Variants in MACROD2 observed in about 807,000 individuals in gnomAD.
The protein encoded by MACROD2 is ADP-ribose glycohydrolase MACROD2.
A neutral mutation model predicts 70.4 loss-of-function variants in MACROD2; 36 were observed. That is an observed-to-expected ratio of 0.51 (90% CI 0.39 to 0.68). The LOEUF (loss-of-function observed/expected upper bound fraction) is 0.68. MACROD2 is among the 30% of genes least tolerant of loss of function. The pLI, the probability that MACROD2 is intolerant of heterozygous loss-of-function variation, is 0.00. For synonymous variants in MACROD2, 172 were observed against 178.8 expected, an observed-to-expected ratio of 0.96 and a Z score of 0.30; for missense variants, 496 against 538.4, an observed-to-expected ratio of 0.92 and a Z score of 0.78.
chr20:14,635,447 G>A (rs1233159359), intron 4 of MACROD2, among the ~76,000 whole-genome samples: 1 of 152,140 alleles, frequency 6.6e-6, no homozygotes, highest in African/African-American at 2.4e-5. Context: ...AGTAAATAAA[G>A]CTCATTGATA....
chr20:15,013,540 T>C (rs2075099043), intron 5 of MACROD2, among the ~76,000 whole-genome samples: 1 of 152,120 alleles, frequency 6.6e-6, no homozygotes, highest in Non-Finnish European at 1.5e-5. Flanking sequence ...ATGCCACCTT[T>C]TTGGCATAAT....
chr20:15,034,535 A>G (rs141060343), intron 5 of MACROD2, among the ~76,000 whole-genome samples: 1 of 152,282 alleles, frequency 6.6e-6, no homozygotes, highest in Non-Finnish European at 1.5e-5. Flanking sequence ...GAGGGGATTT[A>G]TAATAGAAAG....
intron 3 of MACROD2, among the ~76,000 whole-genome samples, chr20:14,151,811 C>CTTTTTTTTTTTTTTTTTT (rs144065987): frequency 1.7e-5 from 1 of 59,190 alleles, no homozygotes; most frequent in Non-Finnish European, 3.0e-5. Context: ...TGTATTGTAT[C>CTTTTTTTTTTTTTTTTTT]TTTTTTTTTT....
intron 6 of MACROD2, among the ~76,000 whole-genome samples, chr20:15,342,808 A>G (rs1056068195): frequency 1.3e-5 from 2 of 152,156 alleles, no homozygotes; most frequent in Non-Finnish European, 2.9e-5. Context: ...ACGGGAATAT[A>G]TGTGACCTTA....
intron 7 of MACROD2, among the ~76,000 whole-genome samples, chr20:15,495,911 A>T (rs1022575309): frequency 2.6e-5 from 4 of 152,236 alleles, no homozygotes; most frequent in Admixed American, 2.6e-4. Context: ...ATACACTAGG[A>T]AAAAAGGAGG....
intron 6 of MACROD2, among the ~76,000 whole-genome samples, chr20:15,267,887 T>G (rs1345412210): frequency 6.6e-6 from 1 of 152,164 alleles, no homozygotes; most frequent in Non-Finnish European, 1.5e-5. Context: ...CAGGAATCTT[T>G]CTCGCTTTGC....
At chr20:15,143,173 G>A (rs1459754706) in intron 5 of MACROD2, among the ~76,000 whole-genome samples, 1 of 152,112 alleles carries the variant, frequency 6.6e-6, no homozygotes, top group African/African-American at 2.4e-5. Flanking sequence ...TCCAGCACCT[G>A]TTGTTTCCTG....
intron 6 of MACROD2, among the ~76,000 whole-genome samples, chr20:15,289,215 G>A (rs1035470396): frequency 2.0e-5 from 3 of 152,058 alleles, no homozygotes; most frequent in Non-Finnish European, 2.9e-5. Context: ...TCCACTGCTT[G>A]GCATTCATTC....
At chr20:15,220,877 T>A (rs1486547991) in intron 5 of MACROD2, among the ~76,000 whole-genome samples, 3 of 152,150 alleles carry the variant, frequency 2.0e-5, no homozygotes, top group Non-Finnish European at 4.4e-5. Context: ...ACATAGTGGG[T>A]TCTCACTAAA....
intron 4 of MACROD2, among the ~76,000 whole-genome samples, chr20:14,653,521 A>ATT (rs34531975): frequency 3.4e-4 from 47 of 137,502 alleles, no homozygotes; most frequent in Admixed American, 1.4e-3. Flanking sequence ...CCCGGCTGCA[A>ATT]TTTTTTTTTT....
intron 6 of MACROD2, among the ~76,000 whole-genome samples, chr20:15,260,277 C>T (rs2077237052): frequency 6.7e-6 from 1 of 148,796 alleles, no homozygotes; most frequent in South Asian, 2.1e-4. Flanking sequence ...CCCTCTTTAT[C>T]CCCCCTCCCC....
chr20:14,438,019 C>T (rs148103134), intron 3 of MACROD2, among the ~76,000 whole-genome samples: 26 of 152,318 alleles, frequency 1.7e-4, no homozygotes, highest in African/African-American at 6.3e-4. Flanking sequence ...CTATAATCCT[C>T]ATGTTGCACA....
intron 11 of MACROD2, among the ~76,000 whole-genome samples, chr20:15,934,686 GTT>G (rs745358288): frequency 6.7e-6 from 1 of 149,668 alleles, no homozygotes; most frequent in African/African-American, 2.4e-5. Context: ...TTTGTTTTTT[GTT>G]TTTTGTTTTG....
intron 4 of MACROD2, among the ~76,000 whole-genome samples, chr20:14,600,343 T>TATATATATATAC (rs1320891260): frequency 1.0e-4 from 13 of 130,200 alleles, no homozygotes; most frequent in African/African-American, 4.1e-4. Flanking sequence ...TATATATATA[T>TATATATATATAC]ACACACACAC....
intron 6 of MACROD2, among the ~76,000 whole-genome samples, chr20:15,352,159 A>G (rs2078234654): frequency 6.6e-6 from 1 of 152,214 alleles, no homozygotes; most frequent in African/African-American, 2.4e-5. Context: ...AGGGAGAAAC[A>G]GAACCAGAAG....
intron 5 of MACROD2, among the ~76,000 whole-genome samples, chr20:15,215,870 T>C (rs2076805894): frequency 6.6e-6 from 1 of 152,088 alleles, no homozygotes; most frequent in African/African-American, 2.4e-5. Flanking sequence ...AGACTTACTG[T>C]ACCAGAAGAA....
chr20:14,803,271 A>G (rs2122147399), intron 5 of MACROD2, among the ~76,000 whole-genome samples: 1 of 152,200 alleles, frequency 6.6e-6, no homozygotes, highest in East Asian at 1.9e-4. Flanking sequence ...GCAGTACAGA[A>G]TTGAAGGGAA....
intron 5 of MACROD2, among the ~76,000 whole-genome samples, chr20:14,945,387 T>G (rs904062222): frequency 1.3e-5 from 2 of 152,050 alleles, no homozygotes; most frequent in Non-Finnish European, 2.9e-5. Context: ...GGCCAACTTT[T>G]CCTTTGAGAA....
chr20:15,402,793 A>G (rs1177130895), intron 6 of MACROD2, among the ~76,000 whole-genome samples: 1 of 152,232 alleles, frequency 6.6e-6, no homozygotes, highest in African/African-American at 2.4e-5. Context: ...ATGTGATTAA[A>G]TAAGGCCTTC....
Sources: gnomAD v4.1 joint callset for allele counts (sites outside exome capture counted in the v4.1 genomes callset) on GRCh38, gnomAD v4.1.1 for gene constraint, MANE v1.5 for transcripts, NCBI Gene and HGNC (gene_info 2026-07-23, HGNC 2026-07-21) for gene names.